The following ARFGEF3 variants were observed in gnomAD, a reference collection of about 807,000 sequenced individuals.
ARFGEF3 encodes brefeldin A-inhibited guanine nucleotide-exchange protein 3.
Under a neutral mutation model 221.7 loss-of-function variants are expected in ARFGEF3, and 96 were observed. The ratio of observed to expected loss-of-function variants is 0.43; its 90% confidence interval spans 0.37 to 0.51. The LOEUF (loss-of-function observed/expected upper bound fraction) is 0.51. Among genes scored for constraint, ARFGEF3 ranks in the 20% least tolerant of loss-of-function variants. ARFGEF3 has a pLI of 0.00. For missense variants in ARFGEF3, 2,410 were observed against 2,789.9 expected (o/e 0.86, Z 3.07); for synonymous variants, 1,145 against 1,126.8 (o/e 1.02, Z -0.32).
intron 32 of ARFGEF3, among the ~76,000 whole-genome samples, chr6:138,332,063 CT>C (rs1780236813): frequency 6.6e-6 from 1 of 152,060 alleles, no homozygotes. Context: ...ATTGGCCTGA[CT>C]TTAGGTGTTG....
At chr6:138,225,983 G>A (rs537215138) in intron 4 of ARFGEF3, among the ~76,000 whole-genome samples, 21 of 152,184 alleles carry the variant, frequency 1.4e-4, no homozygotes, top group African/African-American at 4.6e-4. Flanking sequence ...AATTTTAAAG[G>A]TAAAGGGCTA....
At position 138,339,174 on chromosome 6, in the gene ARFGEF3, C is replaced by A. The variant is rs765038174; in HGVS notation, c.*2688C>A. Reference sequence around the variant, plus strand: ...TCTCAGAGGTATTTGCAGCTTGATGCAAAGTAGTCTCTAATGAGTAGGCAT... The same window carrying A: ...TCTCAGAGGTATTTGCAGCTTGATGAAAAGTAGTCTCTAATGAGTAGGCAT... On this transcript the variant is annotated 3_prime_UTR_variant, in exon 34 of 34. Coordinates refer to ENST00000251691, the MANE Select transcript of ARFGEF3 (RefSeq NM_020340.5). 2 of 152,202 alleles carry A rather than the reference C, an allele frequency of 1.3e-5. No homozygotes were observed. Among genetic ancestry groups the A allele is most frequent in the African/African-American group, 2.4e-5 (1 of 41,434 alleles). The allele number at this position is 152,202 out of a possible 1,614,324, so 9.4% of individuals were successfully genotyped here.
chr6:138,327,851 T>C (rs1011032927), intron 31 of ARFGEF3, among the ~76,000 whole-genome samples, 170 bp from the exon 32 acceptor site: 5 of 152,214 alleles, frequency 3.3e-5, no homozygotes, highest in Non-Finnish European at 7.3e-5. Flanking sequence ...ATGCTTTGCA[T>C]ATGTAATACA....
chr6:138,292,074 A>T (rs1779421152), intron 19 of ARFGEF3, 21 bp downstream of exon 19: 2 of 1,394,516 alleles, frequency 1.4e-6, no homozygotes, highest in Non-Finnish European at 1.9e-6. Context: ...CCGGCCTCCC[A>T]CGCCCCGGGA....
intron 27 of ARFGEF3, among the ~76,000 whole-genome samples, chr6:138,317,884 C>T (rs771217655): frequency 5.9e-5 from 9 of 152,094 alleles, no homozygotes; most frequent in Non-Finnish European, 1.0e-4. Flanking sequence ...GACATATAGT[C>T]CTTGCCTAGT....
At chr6:138,278,334 A>T in intron 12 of ARFGEF3, 117 bp from the exon 13 acceptor site, 1 of 926,174 alleles carries the variant, frequency 1.1e-6, no homozygotes, top group Non-Finnish European at 1.7e-6. Flanking sequence ...TGTCAGTGCT[A>T]TACAGAAATA....
intron 14 of ARFGEF3, among the ~76,000 whole-genome samples, chr6:138,285,259 C>T (rs975497700): frequency 6.6e-5 from 10 of 152,140 alleles, no homozygotes; most frequent in African/African-American, 2.2e-4. Context: ...GTCAGGAGAT[C>T]GAGACCATCC....
At chr6:138,323,864 C>T in intron 30 of ARFGEF3, 91 bp downstream of exon 30, 1 of 1,528,496 alleles carries the variant, frequency 6.5e-7, no homozygotes, top group Admixed American at 1.7e-5. Flanking sequence ...GGTTCTGCCT[C>T]CTCTGAGCAG....
At chr6:138,320,923 T>G (rs1199528615) in intron 28 of ARFGEF3, among the ~76,000 whole-genome samples, 188 bp from the exon 29 acceptor site, 5 of 110,282 alleles carry the variant, frequency 4.5e-5, no homozygotes, top group South Asian at 2.9e-4. Context: ...TCCAAGAAAA[T>G]TATTGTTTTA....
chr6:138,233,321 A>G (rs117549072), intron 5 of ARFGEF3, among the ~76,000 whole-genome samples: 2,009 of 152,108 alleles, frequency 0.013, 31 homozygotes, highest in Middle Eastern at 0.058. Flanking sequence ...TCTAGTTGTC[A>G]CTAAAGTATT....
Position 138,335,885 on chromosome 6 carries a change from T to C in ARFGEF3, c.6343-410T>C, listed in dbSNP as rs372623728. The stretch of plus-strand genomic sequence containing the variant: ...TTTCATCTCAAGTTTTTCTAGCCCA[T>C]CCTGTGCACATAAAAATTCTCATTC... On this transcript the variant is annotated intron_variant, in intron 33 of 33. Transcript: ENST00000251691. Among the ~76,000 whole-genome samples, 7 of 152,214 alleles carry C rather than the reference T, an allele frequency of 4.6e-5. No homozygotes were observed. In the East Asian group the frequency reaches 1.3e-3, roughly 29 times the overall value.
intron 8 of ARFGEF3, among the ~76,000 whole-genome samples, chr6:138,249,770 C>T (rs1304310630): frequency 6.6e-6 from 1 of 152,192 alleles, no homozygotes; most frequent in Non-Finnish European, 1.5e-5. Context: ...TTTTCCAGTA[C>T]AATTCCCCTG....
chr6:138,182,984 G>A (rs1236580827), intron 2 of ARFGEF3, among the ~76,000 whole-genome samples: 1 of 152,078 alleles, frequency 6.6e-6, no homozygotes, highest in Non-Finnish European at 1.5e-5. Flanking sequence ...GCCCCATGGT[G>A]TGCTTTATTT....
intron 12 of ARFGEF3, among the ~76,000 whole-genome samples, chr6:138,267,852 A>G (rs1453848221): frequency 1.3e-5 from 2 of 152,274 alleles, no homozygotes; most frequent in African/African-American, 2.4e-5. Flanking sequence ...GTAAAAATCA[A>G]TACATTGAAA....
At chr6:138,194,743 G>A (rs1777377552) in intron 2 of ARFGEF3, among the ~76,000 whole-genome samples, 2 of 152,086 alleles carry the variant, frequency 1.3e-5, no homozygotes, top group African/African-American at 4.8e-5. Flanking sequence ...TTTGAAAGAT[G>A]GTAAGGACAT....
chr6:138,202,974 C>A (rs1777563793), intron 2 of ARFGEF3, among the ~76,000 whole-genome samples: 1 of 151,972 alleles, frequency 6.6e-6, no homozygotes, highest in Non-Finnish European at 1.5e-5. Flanking sequence ...CCTAGCAGAA[C>A]CCCAGCCAGG....
intron 4 of ARFGEF3, among the ~76,000 whole-genome samples, chr6:138,219,174 T>A (rs1316041862): frequency 2.6e-5 from 4 of 152,190 alleles, no homozygotes; most frequent in African/African-American, 7.2e-5. Context: ...CAGAACATCC[T>A]TTTAAGGAGG....
intron 6 of ARFGEF3, among the ~76,000 whole-genome samples, chr6:138,242,126 G>A (rs1181186779): frequency 4.6e-5 from 7 of 152,180 alleles, no homozygotes; most frequent in African/African-American, 9.7e-5. Flanking sequence ...GTAGAAATGC[G>A]TGCCTGTAGC....
rs766044916 is a variant in ARFGEF3, at chr6:138,334,445, G to A, written c.5599G>A (p.Ala1867Thr). Residue 1867 changes from alanine to threonine, a missense_variant, in exon 33 of 34, where the codon GCC (alanine) becomes ACC (threonine). Physicochemically the swap from Ala to Thr is moderately conservative, Grantham distance 58. Coordinates refer to ENST00000251691, the MANE Select transcript of ARFGEF3 (RefSeq NM_020340.5). This position sits in a 1 kb window ranked among gnomAD's most constrained non-coding sequence, Gnocchi z 5.1. ...SEDEDIFEET[A>T]QVSPPRGKEK... ...GGATGAAGACATCTTTGAGGAAACC[G>A]CCCAGGTCAGCCCCCCGAGAGGCAA... is the stretch of plus-strand genomic sequence containing the variant. 6 of 1,610,740 alleles carry A rather than the reference G, an allele frequency of 3.7e-6. No individual in the cohort carries two copies. In the Admixed American group the frequency reaches 5.0e-5, roughly 14 times the overall value.
Sources: gnomAD v4.1 joint callset for allele counts (sites outside exome capture counted in the v4.1 genomes callset) on GRCh38, gnomAD v4.1.1 for gene constraint, Gnocchi (gnomAD v3.1) non-coding constraint, MANE v1.5 for transcripts, NCBI Gene and HGNC (gene_info 2026-07-23, HGNC 2026-07-21) for gene names.